STAU1: variants seen among roughly 807,000 people sequenced by gnomAD.
The protein encoded by STAU1 is staufen double-stranded RNA binding protein 1.
In STAU1, 13 loss-of-function variants were observed where a neutral mutation model predicts 62.9. That is an observed-to-expected ratio of 0.21 (90% confidence interval 0.13 to 0.33). STAU1 has a LOEUF of 0.33. Ranked by LOEUF, STAU1 falls within the 10% of genes least tolerant of loss-of-function variation. The pLI is 1.00. For synonymous variants in STAU1, 269 were observed against 265.1 expected, an observed-to-expected ratio of 1.01 and a Z score of -0.14; for missense variants, 571 against 712.1, an observed-to-expected ratio of 0.80 and a Z score of 2.25.
the STAU1 span, among the ~76,000 whole-genome samples, chr20:49,216,064 G>C: frequency 8.0e-6 from 1 of 124,552 alleles, no homozygotes; most frequent in African/African-American, 3.0e-5. Context: ...AAAAGAAGAA[G>C]AGAAAAAGAA....
At chr20:49,179,946 G>A (rs2093703462) in intron 1 of STAU1, among the ~76,000 whole-genome samples, 1 of 152,194 alleles carries the variant, frequency 6.6e-6, no homozygotes, top group African/African-American at 2.4e-5. Flanking sequence ...TGGAACTTCA[G>A]ACACCATTTC....
At chr20:49,127,909 G>C (rs2092666653) in intron 6 of STAU1, among the ~76,000 whole-genome samples, 1 of 152,080 alleles carries the variant, frequency 6.6e-6, no homozygotes. Context: ...CAGCACTTTG[G>C]GAGGCCGAGG....
chr20:49,153,710 C>CAAA lies in STAU1; in HGVS notation c.344+220_344+222dup, dbSNP rs145558067. Among the ~76,000 whole-genome samples, 507 of 67,550 alleles carry CAAA rather than the reference C, an allele frequency of 7.5e-3. 9 individuals carry two copies. The highest frequency in any genetic ancestry group is 8.6e-3 in the Non-Finnish European group (324 of 37,620). 44.3% of individuals were successfully genotyped at this position (67,550 alleles called of 152,430 possible). A position where few individuals can be genotyped will look rare whatever the true frequency, so the allele number is the denominator to read the frequency against. The stretch of plus-strand genomic sequence containing the variant: ...TGGGTGACAGAGCAAGACTCTGTCT[C>CAAA]AAAAAAAAAAAAAAAAAAAAAAAAA... On this transcript the variant is annotated intron_variant, in intron 4 of 13. Transcript: ENST00000371856.
the STAU1 span, among the ~76,000 whole-genome samples, chr20:49,195,903 A>AAAAAAAAAAAAGAAAAG: frequency 1.7e-4 from 16 of 94,478 alleles, no homozygotes; most frequent in East Asian, 7.5e-3. Context: ...CCTCTCAAAA[A>AAAAAAAAAAAAGAAAAG]AAAAAAAAAA....
intron 1 of STAU1, among the ~76,000 whole-genome samples, chr20:49,184,631 C>T (rs765791483): frequency 6.6e-5 from 10 of 152,152 alleles, no homozygotes; most frequent in Non-Finnish European, 1.3e-4. Context: ...TAAAAGAGAG[C>T]AACTTATTCT....
chr20:49,157,968 A>G (rs978962399), intron 3 of STAU1, among the ~76,000 whole-genome samples: 1 of 152,030 alleles, frequency 6.6e-6, no homozygotes, highest in African/African-American at 2.4e-5. Context: ...TTTGAGATTC[A>G]CTACTTTGGA....
At chr20:49,185,531 T>TA (rs2093776412) in intron 1 of STAU1, among the ~76,000 whole-genome samples, 1 of 152,208 alleles carries the variant, frequency 6.6e-6, no homozygotes, top group South Asian at 2.1e-4. Flanking sequence ...ATTATTCTAC[T>TA]AAAAGTAAAT....
At position 49,117,305 on chromosome 20, in the gene STAU1, G is replaced by C; in HGVS notation, c.1510-57C>G. 1.3e-6 allele frequency: 2 copies of C among 1,596,918 alleles called. No homozygotes were observed. Among genetic ancestry groups the C allele is most frequent in the South Asian group, 1.1e-5 (1 of 88,706 alleles). On this transcript the variant is annotated intron_variant, in intron 11 of 13. Coordinates refer to ENST00000371856, the MANE Select transcript of STAU1 (RefSeq NM_017453.4). The surrounding 1 kb of genome is among the most constrained non-coding windows in gnomAD (Gnocchi z 4.6). ...GGGAACAGCAAGTATGAGTGGGCTG[G>C]AGGGCTGCAGCTCCAGGCCCCACAA...
the STAU1 span, among the ~76,000 whole-genome samples, chr20:49,201,721 G>T: frequency 7.3e-6 from 1 of 137,554 alleles, no homozygotes; most frequent in South Asian, 2.5e-4. Context: ...CAGCCTGGGT[G>T]ACAGGGCAAG....
chr20:49,159,862 C>A (rs944065207), intron 3 of STAU1, among the ~76,000 whole-genome samples: 1 of 152,152 alleles, frequency 6.6e-6, no homozygotes, highest in Non-Finnish European at 1.5e-5. Context: ...GCTCCCAGTC[C>A]CTAGTTGCCT....
At chr20:49,207,860 G>A in the STAU1 span, among the ~76,000 whole-genome samples, 1 of 151,794 alleles carries the variant, frequency 6.6e-6, no homozygotes, top group Admixed American at 6.6e-5. Flanking sequence ...ACTGTTTGGG[G>A]GTTGTAAGTG....
intron 5 of STAU1, among the ~76,000 whole-genome samples, chr20:49,140,711 A>T (rs2092988741): frequency 6.6e-6 from 1 of 152,194 alleles, no homozygotes; most frequent in East Asian, 1.9e-4. Flanking sequence ...AGGTTCTGAA[A>T]ATTAGTAGTG....
chr20:49,140,414 C>T (rs867023232), intron 5 of STAU1, among the ~76,000 whole-genome samples: 8 of 152,112 alleles, frequency 5.3e-5, no homozygotes, highest in Non-Finnish European at 1.0e-4. Context: ...CCCAAATGTC[C>T]ATCAACAGAT....
chr20:49,184,355 A>G (rs2146616654), intron 1 of STAU1, among the ~76,000 whole-genome samples: 1 of 152,170 alleles, frequency 6.6e-6, no homozygotes, highest in Non-Finnish European at 1.5e-5. Flanking sequence ...TCAGCAGCTT[A>G]GGGTGCAAGG....
intron 8 of STAU1, among the ~76,000 whole-genome samples, chr20:49,121,497 G>A (rs1466453887): frequency 6.6e-6 from 1 of 152,182 alleles, no homozygotes. Context: ...TCAGTGACAT[G>A]AGCAACACCT....
chr20:49,206,429 T>G, the STAU1 span, among the ~76,000 whole-genome samples: 68 of 141,656 alleles, frequency 4.8e-4, no homozygotes, highest in African/African-American at 1.8e-3. Context: ...TTTTTTTTTT[T>G]TTTTTTTTTT....
At chr20:49,209,382 C>T in the STAU1 span, among the ~76,000 whole-genome samples, 6 of 151,156 alleles carry the variant, frequency 4.0e-5, 1 homozygote, top group African/African-American at 1.5e-4. Flanking sequence ...ATGCATGAGT[C>T]CCACCACCTG....
the STAU1 span, among the ~76,000 whole-genome samples, chr20:49,196,557 C>T: frequency 1.3e-5 from 2 of 151,714 alleles, no homozygotes; most frequent in African/African-American, 2.4e-5. Flanking sequence ...GAGGCCGAGG[C>T]CGGCAGATCT....
chr20:49,135,898 T>C lies in STAU1; in HGVS notation c.544A>G (p.Asn182Asp), dbSNP rs765640867. Residue 182 changes from asparagine (N) to aspartate (D), a missense_variant, in exon 6 of 14, where the codon AAT becomes GAT. By Grantham distance (23) the Asn-to-Asp change is conservative. Around this residue, in one of 3 missense-constraint regions of STAU1, gnomAD observed 414 missense variants for 499.6 expected, o/e 0.83. Coordinates refer to ENST00000371856, the MANE Select transcript of STAU1 (RefSeq NM_017453.4). The stretch of plus-strand genomic sequence containing the variant: ...AACACTTGACTTATTTCAGATTTAT[T>C]GAGATTTTCTTCTTCGGATTCTCTT... ...NGRESEEENLNKSEISQVFEI... is the reference protein window; with the variant it reads ...NGRESEEENLDKSEISQVFEI... 1 of 1,610,230 alleles carries C rather than the reference T, an allele frequency of 6.2e-7. No homozygotes were observed. Among genetic ancestry groups the C allele is most frequent in the Non-Finnish European group, 8.5e-7 (1 of 1,176,782 alleles).
Sources: allele counts gnomAD v4.1 joint callset (sites outside exome capture counted in the v4.1 genomes callset), GRCh38; gene constraint gnomAD v4.1.1; regional missense constraint gnomAD v4.1.1; non-coding constraint Gnocchi (gnomAD v3.1); transcripts MANE v1.5; gene names NCBI Gene and HGNC (gene_info 2026-07-23, HGNC 2026-07-21).